DLGAP4: variants seen among roughly 807,000 people sequenced by gnomAD.
The protein encoded by DLGAP4 is disks large-associated protein 4.
DLGAP4 carries 18 observed loss-of-function variants against 86.9 expected under a neutral mutation model. The observed-to-expected ratio is 0.21, with a 90% CI of 0.14 to 0.31. DLGAP4 has a LOEUF of 0.31. Ranked by LOEUF, DLGAP4 falls within the 10% of genes least tolerant of loss-of-function variation. DLGAP4 has a pLI of 1.00. For synonymous variants in DLGAP4, 548 were observed against 574.3 expected (o/e 0.95, Z 0.65); for missense variants, 1,085 against 1,362.6 (o/e 0.80, Z 3.21).
At chr20:36,512,920 T>C (rs2036792382) in intron 10 of DLGAP4, among the ~76,000 whole-genome samples, 1 of 125,812 alleles carries the variant, frequency 7.9e-6, no homozygotes, top group African/African-American at 3.0e-5. Context: ...ATCACAGGGG[T>C]CTCAGAGGCC....
chr20:36,402,050 T>C (rs2147485025), intron 2 of DLGAP4, among the ~76,000 whole-genome samples: 1 of 152,278 alleles, frequency 6.6e-6, no homozygotes, highest in East Asian at 1.9e-4. Flanking sequence ...GCTACATCTG[T>C]GTTCAGTAGA....
chr20:36,527,254 G>A lies in DLGAP4; in HGVS notation c.*223G>A, dbSNP rs979928400. 35 of 464,714 alleles carry A rather than the reference G, an allele frequency of 7.5e-5. No individual in the cohort carries two copies. The highest frequency in any genetic ancestry group is 2.6e-4 in the African/African-American group (13 of 50,596). 28.8% of individuals were successfully genotyped at this position (464,714 alleles called of 1,614,324 possible). A position where few individuals can be genotyped will look rare whatever the true frequency, so the allele number is the denominator to read the frequency against. ...CACAAAAAAAATCAACAAAAATCAC[G>A]AAACTAGAAAACTTTTTTTTTCCTC... On this transcript the variant is annotated 3_prime_UTR_variant, in exon 13 of 13. Coordinates refer to ENST00000339266, the MANE Select transcript of DLGAP4 (RefSeq NM_001365621.2).
chr20:36,321,372 C>T (rs973326565), intron 1 of DLGAP4, among the ~76,000 whole-genome samples: 1 of 152,236 alleles, frequency 6.6e-6, no homozygotes, highest in Non-Finnish European at 1.5e-5. Flanking sequence ...CTGAGGGCCT[C>T]GGCTGCCCCA....
intron 2 of DLGAP4, among the ~76,000 whole-genome samples, chr20:36,392,948 A>C (rs767717772): frequency 6.6e-6 from 1 of 152,100 alleles, no homozygotes; most frequent in Non-Finnish European, 1.5e-5. Flanking sequence ...GAGAAGCCAC[A>C]CGAGGGTCTG....
chr20:36,325,625 G>T (rs1283985862), intron 1 of DLGAP4, among the ~76,000 whole-genome samples: 1 of 151,412 alleles, frequency 6.6e-6, no homozygotes, highest in Non-Finnish European at 1.5e-5. Context: ...TTAAAGCTTT[G>T]TTATTCAATA....
intron 1 of DLGAP4, among the ~76,000 whole-genome samples, chr20:36,351,059 A>G (rs981472999): frequency 7.9e-5 from 12 of 152,232 alleles, no homozygotes; most frequent in Non-Finnish European, 5.9e-5. Context: ...ACCTCTCACA[A>G]CTTCCAGTTC....
intron 1 of DLGAP4, among the ~76,000 whole-genome samples, chr20:36,332,250 C>T: frequency 6.6e-6 from 1 of 152,162 alleles, no homozygotes; most frequent in Non-Finnish European, 1.5e-5. Flanking sequence ...CCAATGAGTC[C>T]TTCCCAGCCT....
Position 36,525,826 on chromosome 20 carries a change from C to T in DLGAP4, c.2605-25C>T, listed in dbSNP as rs368947812. ...AGGACAAGCCTCTGCTGAGCTGGCC[C>T]CACTGATCCCCATCTGGCCCACAGA... On this transcript the variant is annotated intron_variant, in intron 11 of 12. Transcript: ENST00000339266. 144 of 1,610,752 alleles carry T rather than the reference C, an allele frequency of 8.9e-5. 1 individual carries two copies. The South Asian group carries it at 1.0e-3, about 11-fold the overall frequency.
intron 7 of DLGAP4, chr20:36,461,653 G>C: frequency 2.0e-6 from 1 of 488,174 alleles, no homozygotes; most frequent in Middle Eastern, 1.1e-3. Flanking sequence ...GAGGAGACGG[G>C]GGCCGCCCCG....
rs1389385982 is a variant in DLGAP4, at chr20:36,353,919, C to T, written c.-303-13126C>T. On this transcript the variant is annotated intron_variant, in intron 1 of 12. Transcript: ENST00000339266. Reference sequence around the variant, plus strand: ...GTCCATCTGAGTCAGAGAGGTTGAGCGTCTTACCTAAGGTCACCCAGCAAA... The same window carrying T: ...GTCCATCTGAGTCAGAGAGGTTGAGTGTCTTACCTAAGGTCACCCAGCAAA... Among the ~76,000 whole-genome samples, 4 of 152,186 alleles carry T rather than the reference C, an allele frequency of 2.6e-5. No individual in the cohort carries two copies. The South Asian group carries it at 6.2e-4, about 24-fold the overall frequency.
intron 10 of DLGAP4, among the ~76,000 whole-genome samples, chr20:36,511,778 G>A (rs2036709351): frequency 1.3e-5 from 2 of 151,164 alleles, no homozygotes; most frequent in Admixed American, 6.6e-5. Context: ...CTGAGGCTGA[G>A]GCAGGAGAAT....
At chr20:36,506,812 C>CT (rs2036399591) in intron 10 of DLGAP4, among the ~76,000 whole-genome samples, 2 of 152,290 alleles carry the variant, frequency 1.3e-5, no homozygotes, top group South Asian at 4.1e-4. Flanking sequence ...CCATTAAACA[C>CT]TAACTCCCCA....
chr20:36,439,719 G>A (rs2033391323), intron 4 of DLGAP4, 35 bp from the exon 5 acceptor site: 1 of 1,579,100 alleles, frequency 6.3e-7, no homozygotes, highest in African/African-American at 1.4e-5. Context: ...AACAATGGGT[G>A]GGCTGAGCCC....
chr20:36,525,448 C>T (rs752637948), intron 11 of DLGAP4: 5 of 265,458 alleles, frequency 1.9e-5, no homozygotes, highest in African/African-American at 4.4e-5. Context: ...GTTGCGTTGT[C>T]ATGGAACAGA....
At chr20:36,325,864 C>T (rs574404825) in intron 1 of DLGAP4, among the ~76,000 whole-genome samples, 15 of 151,862 alleles carry the variant, frequency 9.9e-5, no homozygotes, top group Admixed American at 3.3e-4. Flanking sequence ...ATTATAGGCA[C>T]GCACCACCAT....
intron 7 of DLGAP4, among the ~76,000 whole-genome samples, chr20:36,451,123 T>C (rs2033724286): frequency 6.6e-6 from 1 of 152,218 alleles, no homozygotes; most frequent in African/African-American, 2.4e-5. Context: ...CTTACTCCCT[T>C]TAGCCTAAGC....
At chr20:36,440,245 G>A (rs1406615808) in intron 5 of DLGAP4, among the ~76,000 whole-genome samples, 2 of 152,166 alleles carry the variant, frequency 1.3e-5, no homozygotes, top group Non-Finnish European at 2.9e-5. Context: ...CCTGAACCTC[G>A]GTTTCCTGAT....
chr20:36,463,841 C>T (rs2147627364), intron 7 of DLGAP4, among the ~76,000 whole-genome samples: 1 of 152,258 alleles, frequency 6.6e-6, no homozygotes, highest in African/African-American at 2.4e-5. Flanking sequence ...CTTAGGATGT[C>T]CTAGAACTTT....
At chr20:36,445,800 A>AC (rs1389535471) in intron 6 of DLGAP4, among the ~76,000 whole-genome samples, 4 of 151,460 alleles carry the variant, frequency 2.6e-5, no homozygotes, top group Admixed American at 6.6e-5. Context: ...TGGCCAACTG[A>AC]CCCCCCAGCT....
Sources: allele counts gnomAD v4.1 joint callset (sites outside exome capture counted in the v4.1 genomes callset), GRCh38; gene constraint gnomAD v4.1.1; transcripts MANE v1.5; gene names NCBI Gene and HGNC (gene_info 2026-07-23, HGNC 2026-07-21).